POR: variants seen among roughly 807,000 people sequenced by gnomAD.
The protein encoded by POR is NADPH--cytochrome P450 reductase.
A neutral mutation model predicts 84.0 loss-of-function variants in POR; 56 were observed. That is an observed-to-expected ratio of 0.67 (90% CI 0.54 to 0.83). POR has a LOEUF of 0.83. Ranked by LOEUF, POR falls within the 40% of genes least tolerant of loss-of-function variation. The pLI is 0.00. For synonymous variants in POR, 414 were observed against 400.5 expected, an observed-to-expected ratio of 1.03 and a Z score of -0.40; for missense variants, 938 against 944.3, an observed-to-expected ratio of 0.99 and a Z score of 0.09.
intron 1 of POR, among the ~76,000 whole-genome samples, chr7:75,941,374 T>TA (rs1554551471): frequency 6.6e-6 from 1 of 152,184 alleles, no homozygotes; most frequent in East Asian, 1.9e-4. Flanking sequence ...TCTAGCTGTG[T>TA]AGAATTTTAG....
At chr7:75,923,201 TC>T in intron 1 of POR, 1 of 1,127,856 alleles carries the variant, frequency 8.9e-7, no homozygotes, top group Non-Finnish European at 1.3e-6. Context: ...AATAAGACCA[TC>T]CCTCTGACAA....
chr7:75,986,405 T>C lies in POR; in HGVS notation c.1967T>C (p.Met656Thr). Residue 656 changes from methionine (M) to threonine (T), a missense_variant, in exon 16 of 16, where the codon ATG becomes ACG. Transcript: ENST00000461988. The stretch of plus-strand genomic sequence containing the variant: ...GACATCGTGGCTGAGCTCGGGGCCA[T>C]GGAGCACGCGCAGGCGGTGGACTAC... 3 of 1,612,544 alleles carry C rather than the reference T, an allele frequency of 1.9e-6. No individual in the cohort carries two copies. Among genetic ancestry groups the C allele is most frequent in the Non-Finnish European group, 2.5e-6 (3 of 1,179,856 alleles).
chr7:75,970,618 A>T (rs996126303), intron 2 of POR, among the ~76,000 whole-genome samples: 1 of 151,844 alleles, frequency 6.6e-6, no homozygotes, highest in Non-Finnish European at 1.5e-5. Context: ...AAGTGCTGGC[A>T]TTACAAGTGT....
At chr7:75,957,327 C>A (rs1370515601) in intron 2 of POR, among the ~76,000 whole-genome samples, 23 of 152,190 alleles carry the variant, frequency 1.5e-4, no homozygotes, top group African/African-American at 5.6e-4. Context: ...ATAGGAAGGG[C>A]AGATCAGCTG....
intron 1 of POR, among the ~76,000 whole-genome samples, chr7:75,924,694 A>C (rs1407191866): frequency 6.6e-6 from 1 of 152,172 alleles, no homozygotes; most frequent in Non-Finnish European, 1.5e-5. Flanking sequence ...TGATAGAGTG[A>C]GACCCCCATC....
intron 3 of POR, among the ~76,000 whole-genome samples, chr7:75,975,404 C>A (rs1788636834): frequency 6.6e-6 from 1 of 152,106 alleles, no homozygotes; most frequent in Non-Finnish European, 1.5e-5. Flanking sequence ...CTTTGGGAGG[C>A]CGAGATGGGC....
Position 75,981,495 on chromosome 7 carries a change from CCCTCT to C in POR, c.642-12_642-8del, listed in dbSNP as rs781803709. ...ACATGGGCCTCCCCTGAGCCGCTCC[CCCTCT>C]CCTCTCCTCGGCCCAGCTTGGAGGA... On this transcript the variant is annotated splice_polypyrimidine_tract_variant and intron_variant, in intron 6 of 15. Coordinates refer to ENST00000461988, the MANE Select transcript of POR (RefSeq NM_000941.3). The C allele has an allele frequency of 5.0e-6, 8 of 1,603,266 alleles. No individual in the cohort carries two copies. In the East Asian group the frequency reaches 6.7e-5, roughly 14 times the overall value.
intron 1 of POR, among the ~76,000 whole-genome samples, chr7:75,918,131 A>AC (rs1341226795): frequency 6.6e-6 from 1 of 152,094 alleles, no homozygotes; most frequent in African/African-American, 2.4e-5. Flanking sequence ...ACGTGGTGAA[A>AC]CCCCGTCTCT....
chr7:75,954,526 C>CATTT (rs573396943), intron 2 of POR, among the ~76,000 whole-genome samples: 47 of 151,838 alleles, frequency 3.1e-4, no homozygotes, highest in Admixed American at 9.2e-4. Context: ...CCCTTTTTTC[C>CATTT]ATTTATTTAT....
Position 75,984,805 on chromosome 7 carries a change from G to A in POR, c.1095G>A (p.Pro365=), listed in dbSNP as rs782494234. 26 of 1,612,432 alleles carry A rather than the reference G, an allele frequency of 1.6e-5. No homozygotes were observed. Among genetic ancestry groups the A allele is most frequent in the South Asian group, 6.6e-5 (6 of 91,086 alleles). The change falls in exon 11 of 16, where the codon CCG becomes CCA. Residue 365 remains proline, a synonymous_variant. Coordinates refer to ENST00000461988, the MANE Select transcript of POR (RefSeq NM_000941.3). ...AGTCCAACAAGAAGCACCCATTCCC[G>A]TGCCCTACGTCCTACCGCACGGCCC...
rs35274225 is a variant in POR, at chr7:75,973,674, CTTTTT to C, written c.237+1234_237+1238del. On this transcript the variant is annotated intron_variant, in intron 3 of 15. Coordinates refer to ENST00000461988, the MANE Select transcript of POR (RefSeq NM_000941.3). ...ACTATGTGCACTGTTCCAGACCTTG[CTTTTT>C]TTTTTTTTTTTTTTTTTTTTGAGAC... 4.0e-3 allele frequency among the ~76,000 whole-genome samples: 258 copies of C among 64,912 alleles called. 6 individuals are homozygous for C. In the Admixed American group the frequency reaches 0.057, roughly 14 times the overall value. The allele number at this position is 64,912 out of a possible 152,430, so 42.6% of individuals were successfully genotyped here. A position where few individuals can be genotyped will look rare whatever the true frequency, so the allele number is the denominator to read the frequency against.
rs1402483009 is a variant in POR at position 75,985,743 on chromosome 7, CCGCCTGCCCTTCAAGGCCACCA to C, written c.1570_1591del (p.Pro524SerfsTer14). 5 of 1,585,562 alleles carry C rather than the reference CCGCCTGCCCTTCAAGGCCACCA, an allele frequency of 3.2e-6. No homozygotes were observed. Among genetic ancestry groups the C allele is most frequent in the Non-Finnish European group, 4.3e-6 (5 of 1,167,608 alleles). On this transcript the variant is annotated frameshift_variant, in exon 13 of 16. Coordinates refer to ENST00000461988, the MANE Select transcript of POR (RefSeq NM_000941.3). LOFTEE classifies it high-confidence loss of function. ...CCATGTTCGTGCGCAAGTCCCAGTT[CCGCCTGCCCTTCAAGGCCACCA>C]CGCCTGTCATCATGGTGGGCCCCGG...
intron 3 of POR, among the ~76,000 whole-genome samples, chr7:75,977,422 C>T (rs1173924294): frequency 6.6e-6 from 1 of 152,210 alleles, no homozygotes; most frequent in Non-Finnish European, 1.5e-5. Flanking sequence ...TGCCTCTGAA[C>T]ATCACATAAG....
chr7:75,951,495 C>T (rs1477067227), intron 1 of POR, among the ~76,000 whole-genome samples: 2 of 152,186 alleles, frequency 1.3e-5, no homozygotes, highest in Admixed American at 6.5e-5. Flanking sequence ...CCCAAGCTTG[C>T]GGGCCTGTTC....
intron 2 of POR, chr7:75,968,072 G>C (rs782604423): frequency 2.2e-6 from 1 of 455,336 alleles, no homozygotes; most frequent in South Asian, 1.6e-5. Context: ...GGAGCTGAGA[G>C]TGAGAAGCCA....
chr7:75,918,016 AC>A (rs1451932350), intron 1 of POR, among the ~76,000 whole-genome samples: 1 of 151,982 alleles, frequency 6.6e-6, no homozygotes, highest in Non-Finnish European at 1.5e-5. Context: ...AAATACAAAT[AC>A]AAAAATTGAC....
At chr7:75,965,038 T>TAAAAAA (rs11409081) in intron 2 of POR, among the ~76,000 whole-genome samples, 1 of 151,500 alleles carries the variant, frequency 6.6e-6, no homozygotes, top group Non-Finnish European at 1.5e-5. Flanking sequence ...AAAATCAATT[T>TAAAAAA]AAAAAAATGA....
chr7:75,971,485 AGAACG>A (rs1554556130), intron 2 of POR, among the ~76,000 whole-genome samples: 1 of 151,946 alleles, frequency 6.6e-6, no homozygotes, highest in African/African-American at 2.4e-5. Context: ...AGGAAACAGA[AGAACG>A]GAAAATGGGG....
At chr7:75,934,616 G>A (rs781919618) in intron 1 of POR, among the ~76,000 whole-genome samples, 2 of 152,150 alleles carry the variant, frequency 1.3e-5, no homozygotes, top group South Asian at 2.1e-4. Flanking sequence ...AGACCTTCCC[G>A]GCAGCCCCTC....
Sources: gnomAD v4.1 joint callset for allele counts (sites outside exome capture counted in the v4.1 genomes callset) on GRCh38, gnomAD v4.1.1 for gene constraint, MANE v1.5 for transcripts, NCBI Gene and HGNC (gene_info 2026-07-23, HGNC 2026-07-21) for gene names.